The following CASK variants were observed in gnomAD, a reference collection of about 807,000 sequenced individuals.
CASK encodes peripheral plasma membrane protein CASK.
In CASK, 4 loss-of-function variants were observed where a neutral mutation model predicts 82.9. The ratio of observed to expected loss-of-function variants is 0.05; its 90% CI spans 0.02 to 0.11. CASK has a LOEUF of 0.11. CASK is among the 10% of genes least tolerant of loss of function. The pLI is 1.00. For synonymous variants in CASK, 259 were observed against 253.5 expected, an observed-to-expected ratio of 1.02 and a Z score of -0.20; for missense variants, 358 against 720.9, an observed-to-expected ratio of 0.50 and a Z score of 5.76.
chrX:41,750,100 A>G (rs2068762208), intron 3 of CASK, among the ~76,000 whole-genome samples: 1 of 111,420 alleles, frequency 9.0e-6, no homozygotes, highest in Admixed American at 9.6e-5. Context: ...GAGAGGCATC[A>G]CTGTGAAAAT....
intron 11 of CASK, among the ~76,000 whole-genome samples, chrX:41,616,842 C>T (rs1336808584): frequency 1.2e-4 from 13 of 111,751 alleles, no homozygotes; most frequent in Admixed American, 1.0e-3. Context: ...CTCCTGACCT[C>T]GAGTGATCCG....
At chrX:41,634,081 G>A (rs1055494521) in intron 9 of CASK, among the ~76,000 whole-genome samples, 6 of 111,924 alleles carry the variant, frequency 5.4e-5, no homozygotes, top group Admixed American at 2.9e-4. Flanking sequence ...ATTTTCTACC[G>A]CTTTCTGTGA....
At chrX:41,538,132 C>T (rs993435468) in intron 22 of CASK, among the ~76,000 whole-genome samples, 9 of 111,044 alleles carry the variant, frequency 8.1e-5, no homozygotes, top group Admixed American at 9.6e-5. Context: ...AGGCATGAGC[C>T]GCTGCGCACA....
chrX:41,525,382 C>T (rs12846592), intron 25 of CASK, among the ~76,000 whole-genome samples: 1,996 of 110,835 alleles, frequency 0.018, 23 homozygotes, highest in Middle Eastern at 0.032. Context: ...ATTTACTACT[C>T]CCTCTGCCTG....
intron 5 of CASK, among the ~76,000 whole-genome samples, chrX:41,722,647 G>A (rs2068187228): frequency 2.7e-5 from 3 of 112,285 alleles, no homozygotes; most frequent in African/African-American, 9.7e-5. Context: ...GATAGTAGAA[G>A]CTGTAGTACC....
intron 8 of CASK, among the ~76,000 whole-genome samples, chrX:41,642,845 T>C (rs981553034): frequency 6.2e-5 from 7 of 112,264 alleles, no homozygotes; most frequent in African/African-American, 2.3e-4. Context: ...TGAATGGTAC[T>C]GTCTAGGCTT....
intron 3 of CASK, among the ~76,000 whole-genome samples, chrX:41,753,826 C>T (rs1419271731): frequency 4.5e-5 from 5 of 111,807 alleles, no homozygotes; most frequent in African/African-American, 1.6e-4. Context: ...TTTGAGGCTG[C>T]AGTGAGCTAT....
intron 5 of CASK, chrX:41,696,292 AC>A: frequency 8.4e-7 from 1 of 1,189,373 alleles, no homozygotes; most frequent in Non-Finnish European, 1.1e-6. Context: ...GCCATTTTTA[AC>A]TTCATTCTTG....
chrX:41,823,890 G>A (rs1419302442), intron 2 of CASK, among the ~76,000 whole-genome samples: 2 of 110,822 alleles, frequency 1.8e-5, no homozygotes, highest in African/African-American at 3.3e-5. Context: ...GCAATCACAG[G>A]TATTTCCGAA....
chrX:41,775,827 T>C (rs1199366151), intron 3 of CASK, among the ~76,000 whole-genome samples: 4 of 90,202 alleles, frequency 4.4e-5, no homozygotes, highest in African/African-American at 1.2e-4. Context: ...CAGGTGGGAA[T>C]TGAGCAATGA....
chrX:41,522,874 T>G (rs891644879), intron 26 of CASK: 2 of 112,660 alleles, frequency 1.8e-5, no homozygotes, highest in Non-Finnish European at 3.8e-5. Flanking sequence ...AGGGTTTAAC[T>G]CAGTGAAAAC....
intron 21 of CASK, among the ~76,000 whole-genome samples, chrX:41,550,261 G>T (rs112994697): frequency 7.1e-4 from 79 of 111,924 alleles, no homozygotes; most frequent in African/African-American, 2.5e-3. Flanking sequence ...AGAAGTTTAT[G>T]TAAATGGAAT....
chrX:41,624,228 T>C (rs1325504540), intron 10 of CASK: 1 of 343,909 alleles, frequency 2.9e-6, no homozygotes, highest in Non-Finnish European at 5.6e-6. Context: ...AAGTTACAGG[T>C]GGAGGGAACA....
At chrX:41,612,888 T>C in intron 11 of CASK, among the ~76,000 whole-genome samples, 1 of 89,063 alleles carries the variant, frequency 1.1e-5, no homozygotes, top group Non-Finnish European at 2.2e-5. Flanking sequence ...GGTGGGGGGG[T>C]CAGCCCCCCG....
intron 3 of CASK, among the ~76,000 whole-genome samples, chrX:41,752,663 A>T (rs2068819015): frequency 8.9e-6 from 1 of 111,829 alleles, no homozygotes; most frequent in Non-Finnish European, 1.9e-5. Context: ...TTACATTTCA[A>T]GATCAGGGTT....
chrX:41,557,510 C>T (rs1005722057), intron 18 of CASK, among the ~76,000 whole-genome samples: 1 of 111,158 alleles, frequency 9.0e-6, no homozygotes, highest in African/African-American at 3.3e-5. Context: ...TTTTTAGTAC[C>T]TGTGTCAAGA....
rs760277976 is a variant in CASK at position 41,517,770 on chromosome X, TAGCAGCAGCAGCAGCAGCAGCAGC to T, written c.*2626_*2649del. On this transcript the variant is annotated 3_prime_UTR_variant, in exon 27 of 27. Transcript: ENST00000378163. The stretch of plus-strand genomic sequence containing the variant: ...TTAGTGGACAATTGTAATGTAGCAG[TAGCAGCAGCAGCAGCAGCAGCAGC>T]AGCAGCAGCAGCAGCAGCAGCAGCA... 663 of 708,250 alleles carry T rather than the reference TAGCAGCAGCAGCAGCAGCAGCAGC, an allele frequency of 9.4e-4. 4 individuals are homozygous for T. In the African/African-American group the frequency reaches 0.014, roughly 15 times the overall value. 58.4% of individuals were successfully genotyped at this position (708,250 alleles called of 1,213,427 possible).
At chrX:41,764,244 C>T (rs1204376639) in intron 3 of CASK, among the ~76,000 whole-genome samples, 1 of 110,168 alleles carries the variant, frequency 9.1e-6, no homozygotes, top group African/African-American at 3.3e-5. Context: ...TCCTTGCTGT[C>T]GTGATTTTCT....
intron 1 of CASK, among the ~76,000 whole-genome samples, chrX:41,899,508 TTGA>T (rs1178252907): frequency 2.7e-5 from 3 of 111,764 alleles, no homozygotes; most frequent in African/African-American, 9.8e-5. Flanking sequence ...CCTTTCTGAT[TTGA>T]TGATTTCTCT....
Sources: allele counts gnomAD v4.1 joint callset (sites outside exome capture counted in the v4.1 genomes callset), GRCh38; gene constraint gnomAD v4.1.1; transcripts MANE v1.5; gene names NCBI Gene and HGNC (gene_info 2026-07-23, HGNC 2026-07-21).